Variants in SNX8 observed in about 807,000 individuals in gnomAD.
The protein encoded by SNX8 is sorting nexin-8.
In SNX8, 25 loss-of-function variants were observed where a neutral mutation model predicts 51.6. The ratio of observed to expected loss-of-function variants is 0.48; its 90% CI spans 0.35 to 0.68. The LOEUF (loss-of-function observed/expected upper bound fraction) is 0.68. Ranked by LOEUF, SNX8 falls within the 30% of genes least tolerant of loss-of-function variation. SNX8 has a pLI of 0.00. For missense variants in SNX8, 695 were observed against 624.0 expected (o/e 1.11, Z -1.21); for synonymous variants, 324 against 277.0 (o/e 1.17, Z -1.68).
upstream of SNX8, among the ~76,000 whole-genome samples, chr7:2,315,781 C>A (rs1256221002): frequency 6.6e-6 from 1 of 151,474 alleles, no homozygotes; most frequent in Non-Finnish European, 1.5e-5. Context: ...CATTCATTCA[C>A]TCACTGCATC....
intron 1 of SNX8, among the ~76,000 whole-genome samples, chr7:2,331,004 G>T (rs1778723821): frequency 6.6e-6 from 1 of 151,760 alleles, no homozygotes; most frequent in African/African-American, 2.4e-5. Context: ...GGCCAACATG[G>T]TGAAACCCCG....
intron 7 of SNX8, among the ~76,000 whole-genome samples, chr7:2,259,364 C>T (rs1429674423): frequency 6.6e-6 from 1 of 152,230 alleles, no homozygotes; most frequent in Non-Finnish European, 1.5e-5. Context: ...CACTGAGCAC[C>T]TCGGGGAGAC....
chr7:2,314,484 G>T, upstream of SNX8: 1 of 1,175,294 alleles, frequency 8.5e-7, no homozygotes, highest in Non-Finnish European at 1.1e-6. Context: ...CTGCCGCGCC[G>T]CGCCCTCGCC....
chr7:2,332,864 GAGAGAAAGAA>G lies in SNX8; in HGVS notation c.-66+21348_-66+21357del, dbSNP rs530080037. On this transcript the variant is annotated intron_variant, in intron 1 of 5. Coordinates refer to the SNX8 transcript ENST00000435336. ...GCAGGGAGGGAGGGAAAAAGAGAGA[GAGAGAAAGAA>G]AGAGAAAGAAAGAAAGAAAAGAAAG... Among the ~76,000 whole-genome samples, 50 of 150,974 alleles carry G rather than the reference GAGAGAAAGAA, an allele frequency of 3.3e-4. 1 individual carries two copies. The South Asian group carries it at 8.6e-3, about 26-fold the overall frequency.
At chr7:2,347,810 T>A (rs1779060766) in intron 1 of SNX8, among the ~76,000 whole-genome samples, 1 of 151,818 alleles carries the variant, frequency 6.6e-6, no homozygotes. Context: ...CACAGCCAGC[T>A]AAGTTTTGTA....
At chr7:2,284,036 C>T (rs1168998642) in intron 1 of SNX8, among the ~76,000 whole-genome samples, 1 of 152,156 alleles carries the variant, frequency 6.6e-6, no homozygotes, top group Non-Finnish European at 1.5e-5. Context: ...CTCAAGTGAT[C>T]TACCCGCCTC....
At chr7:2,346,254 T>TGGC (rs753124887) in intron 1 of SNX8, among the ~76,000 whole-genome samples, 1 of 151,818 alleles carries the variant, frequency 6.6e-6, no homozygotes, top group East Asian at 1.9e-4. Flanking sequence ...AAGTTTGAGC[T>TGGC]CACATAGTGA....
At chr7:2,257,958 C>T (rs1795233370) in intron 7 of SNX8, among the ~76,000 whole-genome samples, 155 bp from the exon 8 acceptor site, 1 of 152,172 alleles carries the variant, frequency 6.6e-6, no homozygotes, top group Non-Finnish European at 1.5e-5. Context: ...GGGCCCCCTT[C>T]CCCACCAGCC....
intron 1 of SNX8, among the ~76,000 whole-genome samples, chr7:2,346,868 C>A (rs189323100): frequency 1.2e-3 from 165 of 140,192 alleles, no homozygotes; most frequent in African/African-American, 4.4e-3. Context: ...TGCAGTGAGC[C>A]GAGATCACAC....
chr7:2,302,753 C>G (rs1048444658), intron 1 of SNX8, among the ~76,000 whole-genome samples: 1 of 151,770 alleles, frequency 6.6e-6, no homozygotes, highest in African/African-American at 2.4e-5. Context: ...TCTGCCCCAC[C>G]GCCCCGTCTG....
At chr7:2,340,261 G>T (rs879808495) in intron 1 of SNX8, among the ~76,000 whole-genome samples, 14 of 149,600 alleles carry the variant, frequency 9.4e-5, no homozygotes, top group African/African-American at 2.5e-4. Flanking sequence ...TATTATAGAT[G>T]GGGTTTCTCC....
chr7:2,260,014 G>A (rs945011284), intron 7 of SNX8, among the ~76,000 whole-genome samples: 15 of 152,122 alleles, frequency 9.9e-5, no homozygotes, highest in Non-Finnish European at 2.1e-4. Context: ...AAGAAAGAGA[G>A]AGAGAAAGAA....
chr7:2,322,786 G>T (rs989281561), intron 1 of SNX8, among the ~76,000 whole-genome samples: 9 of 151,956 alleles, frequency 5.9e-5, no homozygotes, highest in Non-Finnish European at 1.0e-4. Context: ...GGAGGCTGAA[G>T]TATGTGGATC....
chr7:2,309,371 C>G (rs921444338), intron 1 of SNX8, among the ~76,000 whole-genome samples: 1 of 152,106 alleles, frequency 6.6e-6, no homozygotes, highest in South Asian at 2.1e-4. Context: ...ACTAAAAATA[C>G]AAAAATTAGC....
At chr7:2,255,896 T>G (rs1382047794) in intron 10 of SNX8, among the ~76,000 whole-genome samples, 14 of 152,164 alleles carry the variant, frequency 9.2e-5, no homozygotes, top group African/African-American at 3.1e-4. Flanking sequence ...GTGCAGGGGC[T>G]CAGGTGGCCA....
upstream of SNX8, among the ~76,000 whole-genome samples, chr7:2,316,438 CACTT>C (rs1241627588): frequency 3.3e-5 from 5 of 151,688 alleles, no homozygotes; most frequent in Non-Finnish European, 7.4e-5. Flanking sequence ...TTCATTCACC[CACTT>C]ACTCACTGCA....
intron 1 of SNX8, among the ~76,000 whole-genome samples, chr7:2,283,505 GACC>G (rs1343496233): frequency 1.3e-5 from 2 of 152,234 alleles, no homozygotes; most frequent in Admixed American, 6.5e-5. Context: ...TTCCCAAGGA[GACC>G]ACGAGTGTGG....
Position 2,260,008 on chromosome 7 carries a change from A to G in SNX8, c.916-2205T>C, listed in dbSNP as rs182742815. Among the ~76,000 whole-genome samples the G allele has an allele frequency of 3.3e-5, 5 of 152,250 alleles. No individual in the cohort carries two copies. In the East Asian group the frequency reaches 5.8e-4, roughly 18 times the overall value. ...AAAAAAAACAAAAAAGGAAAAAAGA[A>G]AGAGAGAGAGAAAGAAAGAGAGAGA... On this transcript the variant is annotated intron_variant, in intron 7 of 10. Transcript: ENST00000222990.
At chr7:2,270,165 A>G (rs1333406989) in intron 4 of SNX8, among the ~76,000 whole-genome samples, 2 of 151,994 alleles carry the variant, frequency 1.3e-5, no homozygotes, top group African/African-American at 4.8e-5. Flanking sequence ...CTCTCATCTG[A>G]AAGAGGCCTC....
Sources: gnomAD v4.1 joint callset for allele counts (sites outside exome capture counted in the v4.1 genomes callset) on GRCh38, gnomAD v4.1.1 for gene constraint, MANE v1.5 for transcripts, NCBI Gene and HGNC (gene_info 2026-07-23, HGNC 2026-07-21) for gene names.